DOCK9: variants seen among roughly 807,000 people sequenced by gnomAD.
DOCK9 encodes dedicator of cytokinesis 9, also known as dedicator of cytokinesis protein 9.
A neutral mutation model predicts 263.3 loss-of-function variants in DOCK9; 89 were observed. That is an observed-to-expected ratio of 0.34 (90% CI 0.28 to 0.40). The LOEUF (loss-of-function observed/expected upper bound fraction) is 0.40, where lower values mean the gene tolerates loss of function less well. Among genes scored for constraint, DOCK9 ranks in the 10% least tolerant of loss-of-function variants. DOCK9 has a pLI of 1.00. For synonymous variants in DOCK9, 976 were observed against 973.1 expected (o/e 1.00, Z -0.06); for missense variants, 2,140 against 2,603.4 (o/e 0.82, Z 3.87).
At chr13:98,985,063 T>C (rs1208536415) in intron 1 of DOCK9, among the ~76,000 whole-genome samples, 1 of 73,542 alleles carries the variant, frequency 1.4e-5, no homozygotes, top group East Asian at 4.3e-4. Context: ...TGAAGAAGAC[T>C]ATGGGGGCAG....
intron 27 of DOCK9, among the ~76,000 whole-genome samples, chr13:98,873,119 C>T (rs1274007377): frequency 6.6e-6 from 1 of 152,218 alleles, no homozygotes; most frequent in Admixed American, 6.5e-5. Flanking sequence ...AACCTTGGGT[C>T]ACACATGTGC....
At chr13:98,972,429 T>C (rs552853169) in intron 1 of DOCK9, among the ~76,000 whole-genome samples, 11 of 152,110 alleles carry the variant, frequency 7.2e-5, no homozygotes, top group African/African-American at 2.4e-4. Flanking sequence ...TTAGTTTCTA[T>C]ACACTGCTAC....
Position 98,955,458 on chromosome 13 carries a change from G to A in DOCK9, c.220C>T (p.Leu74Phe), listed in dbSNP as rs1388781297. Residue 74 changes from leucine (L) to phenylalanine (F), a missense_variant, in exon 2 of 53, where the codon CTC becomes TTC. Leu to Phe is a conservative substitution (Grantham distance 22). Around this residue, in one of 2 missense-constraint regions of DOCK9, gnomAD observed 1,521 missense variants for 1,741.7 expected, o/e 0.87. Coordinates refer to ENST00000682017, the MANE Select transcript of DOCK9 (RefSeq NM_001366683.2). ...ILNDCLREML[L>F]FPYDDFQTAI... ...ACCTGAAAGTCATCGTAAGGGAAGA[G>A]CAGCATCTCCCGTAAACAGTCGTTC... 6.3e-7 allele frequency: 1 copy of A among 1,592,682 alleles called. No individual in the cohort carries two copies. The highest frequency in any genetic ancestry group is 1.3e-5 in the African/African-American group (1 of 74,652).
At chr13:98,868,469 A>C in intron 27 of DOCK9, 92 bp from the exon 28 acceptor site, 1 of 1,404,988 alleles carries the variant, frequency 7.1e-7, no homozygotes, top group Non-Finnish European at 9.5e-7. Flanking sequence ...ATCTTAAAAA[A>C]CCCAGAGTTT....
chr13:98,950,840 G>A (rs772754741), intron 2 of DOCK9, among the ~76,000 whole-genome samples: 1 of 152,110 alleles, frequency 6.6e-6, no homozygotes, highest in African/African-American at 2.4e-5. Context: ...TCGGTTAATC[G>A]CAGGGTTAAC....
intron 7 of DOCK9, 65 bp downstream of exon 7, chr13:98,920,889 C>T: frequency 6.9e-7 from 1 of 1,455,708 alleles, no homozygotes; most frequent in Non-Finnish European, 9.1e-7. Context: ...CTTAAATCTG[C>T]TAATTTACAC....
At chr13:99,054,425 G>A (rs1019320190) in intron 1 of DOCK9, among the ~76,000 whole-genome samples, 22 of 152,142 alleles carry the variant, frequency 1.4e-4, no homozygotes, top group Admixed American at 1.3e-3. Context: ...CTGACACTGA[G>A]CTCACAACAG....
intron 38 of DOCK9, among the ~76,000 whole-genome samples, chr13:98,843,947 G>A (rs1198553557): frequency 6.6e-6 from 1 of 152,198 alleles, no homozygotes; most frequent in East Asian, 1.9e-4. Flanking sequence ...CATTGGAGGT[G>A]CAGCACTGGT....
chr13:98,881,773 G>T, intron 24 of DOCK9, 119 bp downstream of exon 24: 1 of 1,248,108 alleles, frequency 8.0e-7, no homozygotes, highest in Non-Finnish European at 1.1e-6. Flanking sequence ...TTACACATGG[G>T]ATCAAAGACA....
chr13:98,853,458 A>T lies in DOCK9; in HGVS notation c.3896T>A (p.Ile1299Asn). The T allele has an allele frequency of 6.2e-7, 1 of 1,613,832 alleles. No homozygotes were observed. The highest frequency in any genetic ancestry group is 8.5e-7 in the Non-Finnish European group (1 of 1,179,828). ...VRCDKLDQSE[I>N]KSLLMCFLYI... Reference sequence around the variant, plus strand: ...GAGGAAACACATCAGTAGGCTCTTAATCTCAGACTGGTCAAGTTTATCACA... The same window carrying T: ...GAGGAAACACATCAGTAGGCTCTTATTCTCAGACTGGTCAAGTTTATCACA... Residue 1299 changes from isoleucine to asparagine, a missense_variant, in exon 35 of 53, where the codon ATT (isoleucine) becomes AAT (asparagine). Physicochemically the swap from Ile to Asn is moderately radical, Grantham distance 149. Coordinates refer to ENST00000682017, the MANE Select transcript of DOCK9 (RefSeq NM_001366683.2).
At chr13:98,979,324 C>T (rs534908138), upstream of DOCK9, among the ~76,000 whole-genome samples, 11 of 151,946 alleles carry the variant, frequency 7.2e-5, no homozygotes, top group Admixed American at 1.3e-4. Context: ...GGAACTCTAC[C>T]CAGGGAAATA....
At chr13:98,839,711 C>G (rs532993134) in intron 38 of DOCK9, among the ~76,000 whole-genome samples, 10 of 152,364 alleles carry the variant, frequency 6.6e-5, no homozygotes, top group African/African-American at 2.2e-4. Flanking sequence ...TAGAATTTAA[C>G]TACTCCTGGC....
chr13:98,841,777 A>G (rs2093226196), intron 38 of DOCK9, among the ~76,000 whole-genome samples: 1 of 151,250 alleles, frequency 6.6e-6, no homozygotes, highest in Non-Finnish European at 1.5e-5. Flanking sequence ...ATGCACCACC[A>G]TGCCCAGATT....
At chr13:99,025,949 G>T (rs971553226) in intron 1 of DOCK9, among the ~76,000 whole-genome samples, 1 of 152,174 alleles carries the variant, frequency 6.6e-6, no homozygotes, top group African/African-American at 2.4e-5. Context: ...ATCACATAGT[G>T]CATGAATCCA....
intron 27 of DOCK9, among the ~76,000 whole-genome samples, chr13:98,871,534 T>C (rs777869663): frequency 5.9e-5 from 9 of 152,186 alleles, no homozygotes; most frequent in Non-Finnish European, 1.3e-4. Flanking sequence ...CGAGGTATCA[T>C]ACACATTTCA....
At chr13:98,979,055 C>T (rs1474217037), upstream of DOCK9, among the ~76,000 whole-genome samples, 14 of 152,076 alleles carry the variant, frequency 9.2e-5, no homozygotes, top group East Asian at 2.1e-3. Flanking sequence ...TCATGGATAC[C>T]GCAGAGCTTT....
chr13:99,033,578 T>C (rs981243831), intron 1 of DOCK9, among the ~76,000 whole-genome samples: 5 of 152,230 alleles, frequency 3.3e-5, no homozygotes, highest in Non-Finnish European at 7.3e-5. Context: ...TGGAAGCTCG[T>C]GCATCTTTGA....
At chr13:99,057,288 G>A (rs1030436385) in intron 1 of DOCK9, among the ~76,000 whole-genome samples, 10 of 152,122 alleles carry the variant, frequency 6.6e-5, no homozygotes, top group African/African-American at 1.7e-4. Context: ...ATACAGACAA[G>A]AAAAAATAAG....
chr13:98,854,418 G>A (rs1461085367), intron 34 of DOCK9: 2 of 151,952 alleles, frequency 1.3e-5, no homozygotes, highest in East Asian at 1.9e-4. Flanking sequence ...GTGTGTGTGT[G>A]TGTATATATA....
Sources: allele counts gnomAD v4.1 joint callset (sites outside exome capture counted in the v4.1 genomes callset), GRCh38; gene constraint gnomAD v4.1.1; regional missense constraint gnomAD v4.1.1; transcripts MANE v1.5; gene names NCBI Gene and HGNC (gene_info 2026-07-23, HGNC 2026-07-21).